Variants in FMNL3 observed in about 807,000 individuals in gnomAD.
FMNL3 encodes formin-like protein 3.
FMNL3 carries 57 observed loss-of-function variants against 119.6 expected under a neutral mutation model. The ratio of observed to expected loss-of-function variants is 0.48; its 90% CI spans 0.39 to 0.59. FMNL3 has a LOEUF of 0.59. Ranked by LOEUF, FMNL3 falls within the 20% of genes least tolerant of loss-of-function variation. The pLI, the probability that FMNL3 is intolerant of heterozygous loss-of-function variation, is 0.00. For missense variants in FMNL3, 1,053 were observed against 1,323.5 expected, an observed-to-expected ratio of 0.80 and a Z score of 3.17; for synonymous variants, 491 against 507.3, an observed-to-expected ratio of 0.97 and a Z score of 0.43.
rs140814036 is a variant in FMNL3, at chr12:49,681,580, A to G, written c.127-13026T>C. On this transcript the variant is annotated intron_variant, in intron 1 of 25. Transcript: ENST00000335154. ...CTGTTACTTTTCACGAGACAGTCAG[A>G]AAGTTCTCACTCTGCTGCCCAGGCT... Among the ~76,000 whole-genome samples, 145 of 152,026 alleles carry G rather than the reference A, an allele frequency of 9.5e-4. 1 individual carries two copies. The highest frequency in any genetic ancestry group is 2.7e-3 in the South Asian group (13 of 4,800).
chr12:49,691,374 T>C (rs1048872452), intron 1 of FMNL3, among the ~76,000 whole-genome samples: 2 of 152,174 alleles, frequency 1.3e-5, no homozygotes, highest in African/African-American at 4.8e-5. Flanking sequence ...GACTTGACTT[T>C]GAGAAGCTGA....
In FMNL3 at chr12:49,637,783, CGAT is replaced by C; in HGVS notation, c.*8029_*8031del. 6.2e-7 allele frequency: 1 copy of C among 1,612,306 alleles called. No homozygotes were observed. The highest frequency in any genetic ancestry group is 8.5e-7 in the Non-Finnish European group (1 of 1,178,736). On this transcript the variant is annotated 3_prime_UTR_variant, in exon 26 of 26. Coordinates refer to ENST00000335154, the MANE Select transcript of FMNL3 (RefSeq NM_175736.5). ...GTTCTATGTGGAGGAGTTGAAGGCA[CGAT>C]TCCATGATGAAAAGAAGATCATTAA...
rs1244447308 is a variant in FMNL3, at chr12:49,645,850, G to A, written c.3049C>T (p.Pro1017Ser). The change falls in exon 26 of 26, where the codon CCC becomes TCC. Residue 1017 changes from proline (P) to serine (S), a missense_variant. Physicochemically the swap from Pro to Ser is moderately conservative, Grantham distance 74. Around this residue, in one of 4 missense-constraint regions of FMNL3, gnomAD observed 324 missense variants for 380.9 expected, o/e 0.85. Coordinates refer to ENST00000335154, the MANE Select transcript of FMNL3 (RefSeq NM_175736.5). ...VRHQARSAAPPSGPPRAPGPH is the reference protein window; with the variant it reads ...VRHQARSAAPSSGPPRAPGPH ...CCTGGAGCCCGAGGGGGACCACTGG[G>A]CGGTGCAGCACTCCTGGCTTGGTGG... The A allele has an allele frequency of 3.1e-6, 5 of 1,608,560 alleles. No individual in the cohort carries two copies. The highest frequency in any genetic ancestry group is 4.2e-6 in the Non-Finnish European group (5 of 1,178,090).
At chr12:49,652,916 G>C (rs965834374) in intron 13 of FMNL3, among the ~76,000 whole-genome samples, 19 of 152,144 alleles carry the variant, frequency 1.2e-4, no homozygotes, top group African/African-American at 4.6e-4. Flanking sequence ...GAGGAACACG[G>C]GGGTAGAGGG....
At chr12:49,657,550 C>G (rs1245028145) in intron 6 of FMNL3, among the ~76,000 whole-genome samples, 1 of 152,178 alleles carries the variant, frequency 6.6e-6, no homozygotes, top group Non-Finnish European at 1.5e-5. Context: ...GTTGCTGCAC[C>G]TTCTGCACAA....
intron 1 of FMNL3, among the ~76,000 whole-genome samples, chr12:49,700,252 C>T (rs904264644): frequency 2.6e-5 from 4 of 151,500 alleles, no homozygotes; most frequent in African/African-American, 4.9e-5. Flanking sequence ...ATTAGCCAGG[C>T]GTGGTGGCGG....
chr12:49,679,352 T>C (rs185241853), intron 1 of FMNL3, among the ~76,000 whole-genome samples: 80 of 152,164 alleles, frequency 5.3e-4, no homozygotes, highest in African/African-American at 1.9e-3. Flanking sequence ...CCTTTCCAAA[T>C]TGTATGCATC....
chr12:49,645,771 T>C lies in FMNL3; in HGVS notation c.*44A>G. 1.3e-6 allele frequency: 2 copies of C among 1,540,712 alleles called. No individual in the cohort carries two copies. The highest frequency in any genetic ancestry group is 1.7e-4 in the Middle Eastern group (1 of 5,834). On this transcript the variant is annotated 3_prime_UTR_variant, in exon 26 of 26. Coordinates refer to ENST00000335154, the MANE Select transcript of FMNL3 (RefSeq NM_175736.5). ...CAATTCCAGGTCCACTGGTTGGACT[T>C]GTAGGACTCTGAGGGGTGAAGTGCT...
intron 2 of FMNL3, among the ~76,000 whole-genome samples, chr12:49,666,520 C>T (rs992742775): frequency 1.3e-5 from 2 of 152,090 alleles, no homozygotes; most frequent in African/African-American, 4.8e-5. Context: ...GTGAACAGCA[C>T]CCAAAATAAA....
Position 49,643,269 on chromosome 12 carries a change from C to A in FMNL3, c.*2546G>T. 6.2e-7 allele frequency: 1 copy of A among 1,614,050 alleles called. No homozygotes were observed. The highest frequency in any genetic ancestry group is 8.5e-7 in the Non-Finnish European group (1 of 1,180,014). On this transcript the variant is annotated 3_prime_UTR_variant, in exon 26 of 26. Transcript: ENST00000335154. Reference sequence around the variant, plus strand: ...GAGCTGCCCCCACCATCTCTCCGGCCCCCCAAGCGGAGGAGGCGGAACCCC... The same window carrying A: ...GAGCTGCCCCCACCATCTCTCCGGCACCCCAAGCGGAGGAGGCGGAACCCC...
chr12:49,680,740 C>T (rs1334789797), intron 1 of FMNL3, among the ~76,000 whole-genome samples: 5 of 152,190 alleles, frequency 3.3e-5, no homozygotes, highest in East Asian at 3.8e-4. Flanking sequence ...CTCAAGAACA[C>T]GGATGAAAAA....
intron 8 of FMNL3, 30 bp from the exon 9 acceptor site, chr12:49,656,527 C>A: frequency 1.3e-6 from 2 of 1,585,408 alleles, no homozygotes; most frequent in Non-Finnish European, 1.7e-6. Context: ...GATTAACACC[C>A]TAACTCCCCA....
Position 49,642,026 on chromosome 12 carries a change from TGA to T in FMNL3, c.*3787_*3788del. The T allele has an allele frequency of 6.2e-7, 1 of 1,612,140 alleles. No homozygotes were observed. Among genetic ancestry groups the T allele is most frequent in the Non-Finnish European group, 8.5e-7 (1 of 1,179,872 alleles). On this transcript the variant is annotated 3_prime_UTR_variant, in exon 26 of 26. Transcript: ENST00000335154. The surrounding 1 kb of genome is among the most constrained non-coding windows in gnomAD (Gnocchi z 5.8). ...AACATCAAGCTGACCTTCAATAGTG[TGA>T]GGGGCTGGGCGGGGCGTGGGAAGTT... is the stretch of plus-strand genomic sequence containing the variant.
intron 1 of FMNL3, among the ~76,000 whole-genome samples, chr12:49,687,254 C>T (rs149977114): frequency 0.029 from 4,330 of 150,900 alleles, 234 homozygotes; most frequent in African/African-American, 0.1. Context: ...CCACCACGCC[C>T]GGCTAATTTT....
At chr12:49,659,935 C>G (rs1332398385) in intron 5 of FMNL3, 1 of 985,392 alleles carries the variant, frequency 1.0e-6, no homozygotes, top group Non-Finnish European at 1.2e-6. Context: ...GACATGGGGT[C>G]AAAGGCACAG....
intron 5 of FMNL3, among the ~76,000 whole-genome samples, chr12:49,660,687 C>T (rs11830472): frequency 0.015 from 2,249 of 152,316 alleles, 57 homozygotes; most frequent in African/African-American, 0.05. Flanking sequence ...TTGGGAGCAG[C>T]GGCTCACGCC....
rs375238704 is a variant in FMNL3, at chr12:49,649,913, C to G, written c.2013G>C (p.Gln671His). ...ACTCCACGAAGTCCACAGGTAGTGT[C>G]TGCAAGTCAAACCTGTGGAGGAGGG... ...ICRAIHTFDL[Q>H]TLPVDFVECL... The change falls in exon 18 of 26, where the codon CAG (glutamine) becomes CAC (histidine). Residue 671 changes from glutamine (Q) to histidine (H), a missense_variant. This residue lies in a region of FMNL3 where 445 missense variants were observed against 628.4 expected (regional missense o/e 0.71). Coordinates refer to ENST00000335154, the MANE Select transcript of FMNL3 (RefSeq NM_175736.5). This position sits in a 1 kb window ranked among gnomAD's most constrained non-coding sequence, Gnocchi z 5.6. 3 of 1,613,586 alleles carry G rather than the reference C, an allele frequency of 1.9e-6. No homozygotes were observed. In the African/African-American group the frequency reaches 4.0e-5, roughly 22 times the overall value.
chr12:49,674,771 C>T (rs568206587), intron 1 of FMNL3, among the ~76,000 whole-genome samples: 28 of 152,320 alleles, frequency 1.8e-4, no homozygotes, highest in African/African-American at 6.3e-4. Flanking sequence ...GTCTGGAGAA[C>T]GTGCTTTTGT....
Position 49,668,524 on chromosome 12 carries a change from G to C in FMNL3, c.157C>G (p.Arg53Gly), listed in dbSNP as rs372559306. The change falls in exon 2 of 26, where the codon CGG (arginine) becomes GGG (glycine). Residue 53 changes from arginine (R) to glycine (G), a missense_variant. By Grantham distance (125) the Arg-to-Gly change is moderately radical (BLOSUM62 -2). Around this residue, in one of 4 missense-constraint regions of FMNL3, gnomAD observed 264 missense variants for 265.5 expected, o/e 0.99. Transcript: ENST00000335154. Reference sequence around the variant, plus strand: ...TCATTGTCATACTGCCGCAGGAGCCGGGCCTTGTCTGGAGGCAGGTTCATG... The same window carrying C: ...TCATTGTCATACTGCCGCAGGAGCCCGGCCTTGTCTGGAGGCAGGTTCATG... Reference protein sequence around the residue: ...SSMNLPPDKARLLRQYDNEKK... With the variant: ...SSMNLPPDKAGLLRQYDNEKK... The C allele has an allele frequency of 5.6e-6, 9 of 1,613,976 alleles. No homozygotes were observed. The highest frequency in any genetic ancestry group is 7.6e-6 in the Non-Finnish European group (9 of 1,180,022).
Sources: allele counts gnomAD v4.1 joint callset (sites outside exome capture counted in the v4.1 genomes callset), GRCh38; gene constraint gnomAD v4.1.1; regional missense constraint gnomAD v4.1.1; non-coding constraint Gnocchi (gnomAD v3.1); transcripts MANE v1.5; gene names NCBI Gene and HGNC (gene_info 2026-07-23, HGNC 2026-07-21).